IBTK: variants seen among roughly 807,000 people sequenced by gnomAD.
The protein encoded by IBTK is inhibitor of Bruton tyrosine kinase.
IBTK carries 83 observed loss-of-function variants against 154.9 expected under a neutral mutation model. The ratio of observed to expected loss-of-function variants is 0.54; its 90% CI spans 0.45 to 0.64. IBTK has a LOEUF of 0.64. IBTK is among the 30% of genes least tolerant of loss of function. IBTK has a pLI of 0.00. For synonymous variants in IBTK, 515 were observed against 536.1 expected (o/e 0.96, Z 0.54); for missense variants, 1,332 against 1,584.6 (o/e 0.84, Z 2.71).
intron 20 of IBTK, 92 bp downstream of exon 20, chr6:82,200,495 G>C (rs763349969): frequency 8.7e-7 from 1 of 1,147,234 alleles, no homozygotes; most frequent in Non-Finnish European, 1.2e-6. Flanking sequence ...CAACACAAAA[G>C]TGTCATATGT....
chr6:82,180,906 A>G (rs1182904626), intron 26 of IBTK, among the ~76,000 whole-genome samples: 1 of 151,538 alleles, frequency 6.6e-6, no homozygotes, highest in Non-Finnish European at 1.5e-5. Context: ...TGGACATAAC[A>G]TATCTTACTT....
intron 2 of IBTK, 93 bp downstream of exon 2, chr6:82,240,073 A>G: frequency 1.9e-6 from 2 of 1,075,156 alleles, no homozygotes; most frequent in Non-Finnish European, 2.7e-6. Context: ...AAAAAATGCA[A>G]ATATTTTCCA....
Position 82,181,896 on chromosome 6 carries a change from C to T in IBTK, c.3708G>A (p.Gln1236=). 1.3e-6 allele frequency: 2 copies of T among 1,576,412 alleles called. No homozygotes were observed. Among genetic ancestry groups the T allele is most frequent in the Non-Finnish European group, 1.7e-6 (2 of 1,169,172 alleles). ...KVSFKGIENS[Q]APKIVRCSTH... is the part of the protein sequence containing the mutation. Reference sequence around the variant, plus strand: ...TTTATTACCTGACAATTTTTGGTGCCTGAGAATTTTCAATTCCTTTAAAAG... The same window carrying T: ...TTTATTACCTGACAATTTTTGGTGCTTGAGAATTTTCAATTCCTTTAAAAG... Residue 1236 remains glutamine (Q), a synonymous_variant, in exon 26 of 29, where the codon CAG becomes CAA. Coordinates refer to ENST00000306270, the MANE Select transcript of IBTK (RefSeq NM_015525.4).
At position 82,172,471 on chromosome 6, in the gene IBTK, G is replaced by A; in HGVS notation, c.3839C>T (p.Ala1280Val). Reference protein sequence around the residue: ...SSSVTAPSMVAPVTFASIVEE... With the variant: ...SSSVTAPSMVVPVTFASIVEE... ...TACAATAGATGCAAAAGTGACTGGGGCTACCATGGATGGAGCAGTCACTGA... is the reference window on the plus strand; with the variant it reads ...TACAATAGATGCAAAAGTGACTGGGACTACCATGGATGGAGCAGTCACTGA... Residue 1280 changes from alanine to valine, a missense_variant, in exon 28 of 29, where the codon GCC (alanine) becomes GTC (valine). Ala to Val is a moderately conservative substitution (Grantham distance 64). Transcript: ENST00000306270. The A allele has an allele frequency of 6.2e-7, 1 of 1,613,554 alleles. No homozygotes were observed. Among genetic ancestry groups the A allele is most frequent in the Non-Finnish European group, 8.5e-7 (1 of 1,179,548 alleles).
At chr6:82,178,864 T>G (rs182425665) in intron 26 of IBTK, among the ~76,000 whole-genome samples, 11 of 152,108 alleles carry the variant, frequency 7.2e-5, no homozygotes, top group Non-Finnish European at 1.2e-4. Flanking sequence ...GAAAGTGCAT[T>G]TGAGAACTAA....
intron 25 of IBTK, among the ~76,000 whole-genome samples, chr6:82,188,624 A>G (rs924570103): frequency 1.3e-5 from 2 of 152,204 alleles, no homozygotes; most frequent in Admixed American, 1.3e-4. Flanking sequence ...ACAATACTAT[A>G]GAAAAAGGTA....
At chr6:82,243,168 G>C (rs1218791828) in intron 1 of IBTK, among the ~76,000 whole-genome samples, 1 of 151,456 alleles carries the variant, frequency 6.6e-6, no homozygotes, top group East Asian at 1.9e-4. Flanking sequence ...GTGAACCTGG[G>C]AGGCGGAGCT....
At chr6:82,195,771 T>C (rs988861985) in intron 22 of IBTK, among the ~76,000 whole-genome samples, 1 of 152,156 alleles carries the variant, frequency 6.6e-6, no homozygotes, top group South Asian at 2.1e-4. Flanking sequence ...AATCAAATGT[T>C]AAGGAGTGTC....
At chr6:82,237,602 A>G (rs1202409479) in intron 2 of IBTK, among the ~76,000 whole-genome samples, 6 of 150,458 alleles carry the variant, frequency 4.0e-5, no homozygotes, top group African/African-American at 1.2e-4. Context: ...TGGTGGTGGT[A>G]GTAGTACTAG....
chr6:82,236,670 T>C (rs1770730206), intron 2 of IBTK, among the ~76,000 whole-genome samples: 1 of 152,238 alleles, frequency 6.6e-6, no homozygotes, highest in Non-Finnish European at 1.5e-5. Context: ...AATTTACAAA[T>C]GTTATAGCTA....
At position 82,210,123 on chromosome 6, in the gene IBTK, A is replaced by G. The variant is rs1769573402; in HGVS notation, c.2509+691T>C. Reference sequence around the variant, plus strand: ...GTTACTGTTTTGCCTAACAAAGTACATAAATGACCTCTCTTCATAAATTTT... The same window carrying G: ...GTTACTGTTTTGCCTAACAAAGTACGTAAATGACCTCTCTTCATAAATTTT... On this transcript the variant is annotated intron_variant, in intron 16 of 28. Transcript: ENST00000306270. 2.6e-5 allele frequency among the ~76,000 whole-genome samples: 4 copies of G among 152,362 alleles called. No homozygotes were observed. The South Asian group carries it at 8.3e-4, about 32-fold the overall frequency.
chr6:82,197,356 CCACA>C (rs1769031626), intron 21 of IBTK, among the ~76,000 whole-genome samples: 1 of 146,978 alleles, frequency 6.8e-6, no homozygotes. Context: ...ATTTTTTTTG[CCACA>C]CAATCTTTTT....
intron 16 of IBTK, among the ~76,000 whole-genome samples, chr6:82,209,053 A>G (rs942880858): frequency 5.9e-5 from 9 of 152,248 alleles, no homozygotes; most frequent in Non-Finnish European, 2.9e-5. Context: ...CACACCCGTT[A>G]GGATGGCTAT....
chr6:82,203,954 T>C (rs945571744), intron 17 of IBTK, among the ~76,000 whole-genome samples: 3 of 152,084 alleles, frequency 2.0e-5, no homozygotes, highest in Admixed American at 1.3e-4. Flanking sequence ...AAGTATGAAC[T>C]AGAAAAAATG....
intron 25 of IBTK, 37 bp downstream of exon 25, chr6:82,191,036 C>T (rs1470400608): frequency 9.8e-6 from 14 of 1,435,530 alleles, no homozygotes; most frequent in Non-Finnish European, 1.3e-5. Context: ...AGCAAATGCA[C>T]AAATCTATAT....
intron 1 of IBTK, among the ~76,000 whole-genome samples, chr6:82,245,360 A>G (rs1053663419): frequency 1.3e-5 from 2 of 152,036 alleles, no homozygotes; most frequent in African/African-American, 4.8e-5. Context: ...GGACTTTGAA[A>G]TCAGCCTGGG....
At chr6:82,210,419 T>G (rs1303169046) in intron 16 of IBTK, 1 of 152,208 alleles carries the variant, frequency 6.6e-6, no homozygotes, top group Non-Finnish European at 1.5e-5. Flanking sequence ...AGTTTTAGTA[T>G]ACTTGCTGCC....
intron 22 of IBTK, among the ~76,000 whole-genome samples, chr6:82,195,253 C>T (rs182194698): frequency 5.4e-4 from 82 of 152,070 alleles, no homozygotes; most frequent in Admixed American, 1.4e-3. Context: ...ATATAAATTG[C>T]CCCCAAACTT....
rs190808451 is a variant in IBTK at position 82,231,932 on chromosome 6, C to T, written c.419-90G>A. The T allele has an allele frequency of 1.2e-3, 800 of 680,130 alleles. 3 individuals are homozygous for T. The highest frequency in any genetic ancestry group is 2.9e-3 in the Admixed American group (92 of 31,444). The allele number at this position is 680,130 out of a possible 1,614,324, so 42.1% of individuals were successfully genotyped here. A position where few individuals can be genotyped will look rare whatever the true frequency, so the allele number is the denominator to read the frequency against. Reference sequence around the variant, plus strand: ...TACAATATTTAGAAAGATGCCAACGCTCTTCTCTGAATGAATATATTAATA... The same window carrying T: ...TACAATATTTAGAAAGATGCCAACGTTCTTCTCTGAATGAATATATTAATA... On this transcript the variant is annotated intron_variant, in intron 3 of 28. Transcript: ENST00000306270.
Sources: gnomAD v4.1 joint callset for allele counts (sites outside exome capture counted in the v4.1 genomes callset) on GRCh38, gnomAD v4.1.1 for gene constraint, MANE v1.5 for transcripts, NCBI Gene and HGNC (gene_info 2026-07-23, HGNC 2026-07-21) for gene names.